The following KCND2 variants were observed in gnomAD, a reference collection of about 807,000 sequenced individuals.
KCND2 encodes the protein A-type voltage-gated potassium channel KCND2.
A neutral mutation model predicts 54.4 loss-of-function variants in KCND2; 16 were observed. That is an observed-to-expected ratio of 0.29 (90% CI 0.20 to 0.45). KCND2 has a LOEUF of 0.45. Among genes scored for constraint, KCND2 ranks in the 20% least tolerant of loss-of-function variants. The probability of loss-of-function intolerance (pLI) is 1.00; values close to 1 mark genes in which losing one functional copy is unlikely to be tolerated. For missense variants in KCND2, 486 were observed against 824.2 expected, an observed-to-expected ratio of 0.59 and a Z score of 5.02; for synonymous variants, 317 against 310.7, an observed-to-expected ratio of 1.02 and a Z score of -0.21.
intron 1 of KCND2, among the ~76,000 whole-genome samples, chr7:120,728,272 C>T (rs1379489908): frequency 1.3e-5 from 2 of 149,338 alleles, no homozygotes; most frequent in Non-Finnish European, 3.0e-5. Context: ...TCTCTTGTTT[C>T]GTTCTTCTTC....
intron 1 of KCND2, among the ~76,000 whole-genome samples, chr7:120,373,941 T>A (rs574268288): frequency 6.6e-6 from 1 of 151,804 alleles, no homozygotes; most frequent in Non-Finnish European, 1.5e-5. Context: ...ATAGTAATTA[T>A]ATATTCTATC....
chr7:120,513,607 T>C (rs1803153004), intron 1 of KCND2, among the ~76,000 whole-genome samples: 1 of 152,124 alleles, frequency 6.6e-6, no homozygotes, highest in Non-Finnish European at 1.5e-5. Flanking sequence ...AGTAGGTGAG[T>C]ACTATATAAA....
chr7:120,335,534 T>C (rs992014178), intron 1 of KCND2, among the ~76,000 whole-genome samples: 8 of 150,812 alleles, frequency 5.3e-5, no homozygotes, highest in African/African-American at 1.7e-4. Context: ...TCGCCCAGGC[T>C]GGAGTGCAGT....
chr7:120,577,414 C>T (rs996846302), intron 1 of KCND2, among the ~76,000 whole-genome samples: 14 of 152,170 alleles, frequency 9.2e-5, no homozygotes, highest in African/African-American at 3.1e-4. Context: ...TTTCCTGGAA[C>T]ACACATCATT....
At chr7:120,712,638 G>A (rs1271939753) in intron 1 of KCND2, among the ~76,000 whole-genome samples, 1 of 152,078 alleles carries the variant, frequency 6.6e-6, no homozygotes, top group Non-Finnish European at 1.5e-5. Flanking sequence ...AAGGAGAACA[G>A]ACAAATGTCC....
intron 1 of KCND2, among the ~76,000 whole-genome samples, chr7:120,326,774 A>G (rs1047177821): frequency 6.6e-5 from 10 of 151,970 alleles, no homozygotes; most frequent in African/African-American, 2.4e-4. Flanking sequence ...GCAGGAAAGC[A>G]GCAATATGGT....
intron 1 of KCND2, among the ~76,000 whole-genome samples, chr7:120,276,632 G>C (rs537948321): frequency 6.6e-6 from 1 of 152,012 alleles, no homozygotes; most frequent in Non-Finnish European, 1.5e-5. Flanking sequence ...TTTTTTGGGG[G>C]TATAATGAAG....
intron 1 of KCND2, among the ~76,000 whole-genome samples, chr7:120,595,605 A>G (rs2116464830): frequency 6.9e-6 from 1 of 145,402 alleles, no homozygotes; most frequent in African/African-American, 2.5e-5. Flanking sequence ...ATATATATAT[A>G]TATATATACA....
intron 1 of KCND2, among the ~76,000 whole-genome samples, chr7:120,615,575 T>C (rs904929306): frequency 1.3e-5 from 2 of 152,222 alleles, no homozygotes; most frequent in Non-Finnish European, 2.9e-5. Context: ...GGGTGCATCC[T>C]TATTTGATAA....
intron 1 of KCND2, among the ~76,000 whole-genome samples, chr7:120,399,795 G>A (rs559364846): frequency 3.0e-4 from 45 of 150,494 alleles, no homozygotes; most frequent in African/African-American, 1.0e-3. Flanking sequence ...GTGTGATCTC[G>A]GCTCACTATA....
intron 1 of KCND2, among the ~76,000 whole-genome samples, chr7:120,337,191 A>T (rs898702129): frequency 6.6e-6 from 1 of 152,162 alleles, no homozygotes; most frequent in African/African-American, 2.4e-5. Context: ...ACTGGATAAT[A>T]TTGTTTTTCA....
chr7:120,410,009 G>T (rs1241782200), intron 1 of KCND2, among the ~76,000 whole-genome samples: 3 of 151,518 alleles, frequency 2.0e-5, no homozygotes, highest in Non-Finnish European at 4.4e-5. Flanking sequence ...TTTTGATCTT[G>T]GCTCTTATGT....
At chr7:120,337,062 T>C (rs1257652693) in intron 1 of KCND2, among the ~76,000 whole-genome samples, 1 of 152,030 alleles carries the variant, frequency 6.6e-6, no homozygotes, top group Non-Finnish European at 1.5e-5. Flanking sequence ...AGAAAAATAA[T>C]AGAAGCCTCT....
intron 1 of KCND2, among the ~76,000 whole-genome samples, chr7:120,528,379 TTGA>T (rs1791802902): frequency 6.6e-6 from 1 of 152,166 alleles, no homozygotes; most frequent in East Asian, 1.9e-4. Context: ...AAAAAACAAA[TTGA>T]TGACACATTT....
At chr7:120,330,350 C>T (rs1200749183) in intron 1 of KCND2, among the ~76,000 whole-genome samples, 1 of 152,012 alleles carries the variant, frequency 6.6e-6, no homozygotes, top group Non-Finnish European at 1.5e-5. Context: ...GAGGCTGAAG[C>T]AGGTGAATCA....
chr7:120,704,219 A>G (rs377483429), intron 1 of KCND2, among the ~76,000 whole-genome samples: 5 of 152,206 alleles, frequency 3.3e-5, no homozygotes, highest in Non-Finnish European at 5.9e-5. Context: ...ATCAATATCA[A>G]TGTAATCAAC....
intron 1 of KCND2, among the ~76,000 whole-genome samples, chr7:120,600,084 A>AT (rs1239167940): frequency 6.6e-6 from 1 of 151,610 alleles, no homozygotes; most frequent in Non-Finnish European, 1.5e-5. Flanking sequence ...TTGAAACTGG[A>AT]TTTTTTCATT....
intron 1 of KCND2, among the ~76,000 whole-genome samples, chr7:120,335,633 C>G (rs1412843218): frequency 6.6e-6 from 1 of 151,632 alleles, no homozygotes; most frequent in African/African-American, 2.4e-5. Flanking sequence ...CTACAGGCGC[C>G]CCCCACCACG....
intron 1 of KCND2, among the ~76,000 whole-genome samples, chr7:120,345,117 A>G (rs1010780897): frequency 6.6e-6 from 1 of 152,160 alleles, no homozygotes; most frequent in Non-Finnish European, 1.5e-5. Flanking sequence ...CTCTAATCTG[A>G]AAACAAAACA....
Sources: gnomAD v4.1 joint callset for allele counts (sites outside exome capture counted in the v4.1 genomes callset) on GRCh38, gnomAD v4.1.1 for gene constraint, MANE v1.5 for transcripts, NCBI Gene and HGNC (gene_info 2026-07-23, HGNC 2026-07-21) for gene names.